ZC3H12B: variants seen among roughly 807,000 people sequenced by gnomAD.
ZC3H12B encodes the protein probable ribonuclease ZC3H12B.
In ZC3H12B, 7 loss-of-function variants were observed where a neutral mutation model predicts 43.9. The ratio of observed to expected loss-of-function variants is 0.16; its 90% CI spans 0.09 to 0.30. The LOEUF (loss-of-function observed/expected upper bound fraction) is 0.30, where lower values mean the gene tolerates loss of function less well. Among genes scored for constraint, ZC3H12B ranks in the 10% least tolerant of loss-of-function variants. ZC3H12B has a pLI of 1.00. For synonymous variants in ZC3H12B, 222 were observed against 241.7 expected (o/e 0.92, Z 0.76); for missense variants, 475 against 670.2 (o/e 0.71, Z 3.22).
chrX:65,274,794 G>A, the ZC3H12B span, among the ~76,000 whole-genome samples: 3 of 111,182 alleles, frequency 2.7e-5, no homozygotes, highest in Non-Finnish European at 5.7e-5. Context: ...CTGAAAAACA[G>A]TCCTACAGGT....
At chrX:65,178,603 T>G in the ZC3H12B span, among the ~76,000 whole-genome samples, 4 of 112,479 alleles carry the variant, frequency 3.6e-5, no homozygotes, top group Non-Finnish European at 7.5e-5. Context: ...GGGCGAAGGA[T>G]GTGAACAGAC....
the ZC3H12B span, among the ~76,000 whole-genome samples, chrX:65,144,151 G>A: frequency 1.8e-5 from 2 of 111,394 alleles, no homozygotes; most frequent in African/African-American, 6.5e-5. Context: ...TGTTGGTAAT[G>A]TTTTAATTAC....
the ZC3H12B span, among the ~76,000 whole-genome samples, chrX:65,233,230 G>C: frequency 9.0e-6 from 1 of 111,522 alleles, no homozygotes; most frequent in Non-Finnish European, 1.9e-5. Flanking sequence ...ACTTAATCTG[G>C]AGTATAGACC....
At chrX:65,445,795 GC>G (rs1470949650) in intron 3 of ZC3H12B, among the ~76,000 whole-genome samples, 1 of 112,545 alleles carries the variant, frequency 8.9e-6, no homozygotes, top group African/African-American at 3.2e-5. Context: ...GGGAGCTGGG[GC>G]TAGGAGTCGG....
chrX:65,373,949 ATATATATATACTGTATATATAG>A (rs1382194741), intron 2 of ZC3H12B, among the ~76,000 whole-genome samples: 10 of 2,850 alleles, frequency 3.5e-3, no homozygotes, highest in Admixed American at 0.016. Context: ...ATATATAGTT[ATATATATATACTGTATATATAG>A]TATATATATA....
the ZC3H12B span, among the ~76,000 whole-genome samples, chrX:65,062,056 G>T: frequency 1.8e-5 from 2 of 112,086 alleles, no homozygotes; most frequent in African/African-American, 6.5e-5. Context: ...GTAGATTCTG[G>T]ATACTAGACT....
At chrX:65,107,514 C>G in the ZC3H12B span, among the ~76,000 whole-genome samples, 2 of 111,036 alleles carry the variant, frequency 1.8e-5, no homozygotes, top group Non-Finnish European at 3.8e-5. Context: ...AGTATACTTA[C>G]ACAAACCTAG....
the ZC3H12B span, among the ~76,000 whole-genome samples, chrX:65,355,229 A>G: frequency 9.0e-6 from 1 of 111,730 alleles, no homozygotes; most frequent in East Asian, 2.8e-4. Context: ...TGGGTTACCT[A>G]CAAAGGGAAG....
chrX:65,479,658 G>A (rs996269361), intron 3 of ZC3H12B, among the ~76,000 whole-genome samples: 8 of 111,878 alleles, frequency 7.2e-5, no homozygotes, highest in East Asian at 2.8e-4. Flanking sequence ...GAGAGCCACC[G>A]CACCTGGCTA....
chrX:65,191,542 C>T, the ZC3H12B span, among the ~76,000 whole-genome samples: 5 of 101,266 alleles, frequency 4.9e-5, no homozygotes, highest in East Asian at 1.1e-3. Flanking sequence ...GTGTATGTGT[C>T]GAGTAATTTA....
At chrX:65,104,830 G>A in the ZC3H12B span, among the ~76,000 whole-genome samples, 1 of 111,779 alleles carries the variant, frequency 8.9e-6, no homozygotes, top group Non-Finnish European at 1.9e-5. Context: ...TTCAACCATT[G>A]TGGAAAACAG....
chrX:65,266,629 C>G, the ZC3H12B span, among the ~76,000 whole-genome samples: 4 of 111,700 alleles, frequency 3.6e-5, no homozygotes, highest in African/African-American at 1.3e-4. Flanking sequence ...TACCCCACAC[C>G]TTAGATTAGT....
the ZC3H12B span, chrX:65,271,575 A>T: frequency 4.4e-5 from 5 of 112,513 alleles, no homozygotes; most frequent in African/African-American, 1.6e-4. Flanking sequence ...AACATTTAAC[A>T]TTCTGGATAA....
intron 2 of ZC3H12B, among the ~76,000 whole-genome samples, chrX:65,376,036 G>T (rs1362914110): frequency 1.8e-5 from 2 of 112,210 alleles, no homozygotes; most frequent in Non-Finnish European, 3.8e-5. Context: ...AGCATTTCTG[G>T]ACGTGCCTTG....
chrX:65,391,755 T>C (rs1300192774), intron 2 of ZC3H12B, among the ~76,000 whole-genome samples: 2 of 111,106 alleles, frequency 1.8e-5, no homozygotes, highest in African/African-American at 3.3e-5. Context: ...CTCCTCCCGC[T>C]TTCCATGGTC....
At chrX:65,073,377 C>T in the ZC3H12B span, among the ~76,000 whole-genome samples, 1 of 111,933 alleles carries the variant, frequency 8.9e-6, no homozygotes, top group Non-Finnish European at 1.9e-5. Flanking sequence ...TCTTTTCTGG[C>T]CAGGCATGGT....
chrX:65,198,293 G>A, the ZC3H12B span, among the ~76,000 whole-genome samples: 4 of 111,805 alleles, frequency 3.6e-5, no homozygotes, highest in South Asian at 7.4e-4. Context: ...CAGTTTTATA[G>A]CATTCTGTGT....
intron 2 of ZC3H12B, among the ~76,000 whole-genome samples, chrX:65,385,123 G>C (rs1243898878): frequency 2.7e-5 from 3 of 112,198 alleles, no homozygotes; most frequent in Non-Finnish European, 5.6e-5. Context: ...GATTGTCTTG[G>C]CAATGCAGGC....
the ZC3H12B span, among the ~76,000 whole-genome samples, chrX:65,058,028 A>G: frequency 1.8e-5 from 2 of 111,782 alleles, no homozygotes; most frequent in Non-Finnish European, 3.8e-5. Flanking sequence ...ATGTGTTCGA[A>G]CTTCCTCCTT....
Sources: allele counts gnomAD v4.1 joint callset (sites outside exome capture counted in the v4.1 genomes callset), GRCh38; gene constraint gnomAD v4.1.1; transcripts MANE v1.5; gene names NCBI Gene and HGNC (gene_info 2026-07-23, HGNC 2026-07-21).